The following PRDM9 variants were observed in gnomAD, a reference collection of about 807,000 sequenced individuals.
PRDM9 encodes PR/SET domain 9.
In PRDM9, 47 loss-of-function variants were observed where a neutral mutation model predicts 55.6. The ratio of observed to expected loss-of-function variants is 0.85; its 90% CI spans 0.67 to 1.08. PRDM9 has a LOEUF of 1.08. PRDM9 is among the 50% of genes least tolerant of loss of function. PRDM9 has a pLI of 0.00. For missense variants in PRDM9, 867 were observed against 1,040.3 expected, an observed-to-expected ratio of 0.83 and a Z score of 2.29; for synonymous variants, 312 against 375.7, an observed-to-expected ratio of 0.83 and a Z score of 1.96.
At chr5:23,517,164 A>C (rs951398975) in intron 4 of PRDM9, among the ~76,000 whole-genome samples, 1 of 150,200 alleles carries the variant, frequency 6.7e-6, no homozygotes, top group African/African-American at 2.4e-5. Context: ...AAAAAAAAAA[A>C]AAAAAAAGGT....
chr5:23,511,468 C>T (rs1739096875), intron 4 of PRDM9, among the ~76,000 whole-genome samples: 1 of 152,128 alleles, frequency 6.6e-6, no homozygotes, highest in African/African-American at 2.4e-5. Context: ...GTCTCAGTCT[C>T]CTGAATAGCT....
At position 23,517,908 on chromosome 5, in the gene PRDM9, T is replaced by A; in HGVS notation, c.329T>A (p.Val110Glu). 1 of 1,603,182 alleles carries A rather than the reference T, an allele frequency of 6.2e-7. No individual in the cohort carries two copies. Among genetic ancestry groups the A allele is most frequent in the Non-Finnish European group, 8.5e-7 (1 of 1,170,060 alleles). ...AAACCTCCTTGGATGGCCTTAAGAG[T>A]GGAACAGCGTAAACACCAGAAGGTA... Reference protein sequence around the residue: ...QVKPPWMALRVEQRKHQKGMP... With the variant: ...QVKPPWMALREEQRKHQKGMP... Residue 110 changes from valine to glutamate, a missense_variant, in exon 5 of 11, where the codon GTG becomes GAG. Coordinates refer to ENST00000296682, the MANE Select transcript of PRDM9 (RefSeq NM_020227.4).
intron 5 of PRDM9, among the ~76,000 whole-genome samples, chr5:23,520,762 C>G (rs543271003): frequency 6.6e-6 from 1 of 152,276 alleles, no homozygotes; most frequent in Non-Finnish European, 1.5e-5. Context: ...TCCAGCTAGT[C>G]TTCCCAAGTA....
intron 6 of PRDM9, among the ~76,000 whole-genome samples, chr5:23,521,399 G>T (rs143621375): frequency 3.9e-5 from 6 of 152,120 alleles, no homozygotes; most frequent in Non-Finnish European, 5.9e-5. Flanking sequence ...GTGCAGTGGC[G>T]CAATCTCGGT....
chr5:23,517,393 T>C (rs1739235735), intron 4 of PRDM9, among the ~76,000 whole-genome samples: 1 of 152,132 alleles, frequency 6.6e-6, no homozygotes, highest in African/African-American at 2.4e-5. Context: ...AATAGAAACA[T>C]AGGCCTTAAT....
In PRDM9 at chr5:23,527,704, G is replaced by T; in HGVS notation, c.2616G>T (p.Arg872Ser). 1 of 1,589,344 alleles carries T rather than the reference G, an allele frequency of 6.3e-7. No homozygotes were observed. The highest frequency in any genetic ancestry group is 8.6e-7 in the Non-Finnish European group (1 of 1,167,190). Residue 872 changes from arginine (R) to serine (S), a missense_variant, in exon 11 of 11, where the codon AGG becomes AGT. By Grantham distance (110) the Arg-to-Ser change is moderately radical (BLOSUM62 -1). Coordinates refer to ENST00000296682, the MANE Select transcript of PRDM9 (RefSeq NM_020227.4). ...CRECGRGFSD[R>S]SSLCYHQRTH... ...AGTGTGGGCGGGGCTTTAGCGATAG[G>T]TCAAGCCTCTGCTATCACCAGAGGA... is the stretch of plus-strand genomic sequence containing the variant.
Position 23,521,035 on chromosome 5 carries a change from G to T in PRDM9, c.364G>T (p.Ala122Ser), listed in dbSNP as rs764939554. The T allele has an allele frequency of 1.8e-5, 29 of 1,613,980 alleles. No homozygotes were observed. Among genetic ancestry groups the T allele is most frequent in the Non-Finnish European group, 2.4e-5 (28 of 1,179,982 alleles). The stretch of plus-strand genomic sequence containing the variant: ...TCTCACATTAAAGGGAATGCCCAAG[G>T]CGTCATTCAGTAATGAATCTAGTTT... ...QRKHQKGMPK[A>S]SFSNESSLKE... Residue 122 changes from alanine to serine, a missense_variant, in exon 6 of 11, where the codon GCG becomes TCG. By Grantham distance (99) the Ala-to-Ser change is moderately conservative. Transcript: ENST00000296682.
Position 23,527,729 on chromosome 5 carries a change from A to T in PRDM9, c.2641A>T (p.Thr881Ser), listed in dbSNP as rs376492290. Residue 881 changes from threonine (T) to serine (S), a missense_variant, in exon 11 of 11, where the codon ACA (threonine) becomes TCA (serine). Physicochemically the swap from Thr to Ser is moderately conservative, Grantham distance 58. Transcript: ENST00000296682. ...DRSSLCYHQR[T>S]HTGEKPYVCR... Reference sequence around the variant, plus strand: ...GTCAAGCCTCTGCTATCACCAGAGGACACACACAGGGGAGAAGCCCTACGT... The same window carrying T: ...GTCAAGCCTCTGCTATCACCAGAGGTCACACACAGGGGAGAAGCCCTACGT... 3.1e-6 allele frequency: 5 copies of T among 1,613,484 alleles called. No homozygotes were observed. The highest frequency in any genetic ancestry group is 2.7e-5 in the African/African-American group (2 of 74,884).
intron 6 of PRDM9, 77 bp downstream of exon 6, chr5:23,521,256 G>A: frequency 6.4e-7 from 1 of 1,554,524 alleles, no homozygotes; most frequent in South Asian, 1.1e-5. Flanking sequence ...CTACCTATGT[G>A]GGGTGGACTT....
At chr5:23,509,402 G>A in intron 2 of PRDM9, 68 bp from the exon 3 acceptor site, 2 of 1,612,094 alleles carry the variant, frequency 1.2e-6, no homozygotes, top group South Asian at 1.1e-5. Context: ...CCTACACACA[G>A]GGTAGAGGAA....
chr5:23,510,482 C>T (rs1222959769), intron 4 of PRDM9, among the ~76,000 whole-genome samples: 2 of 151,162 alleles, frequency 1.3e-5, no homozygotes, highest in Non-Finnish European at 2.9e-5. Flanking sequence ...CTCAGCTTCT[C>T]GAGTAGCTGG....
intron 3 of PRDM9, 22 bp from the exon 4 acceptor site, chr5:23,509,898 C>T: frequency 6.2e-7 from 1 of 1,613,706 alleles, no homozygotes; most frequent in Non-Finnish European, 8.5e-7. Context: ...CATTTTAGAA[C>T]AAAATTTTTG....
chr5:23,520,869 C>G (rs1375554456), intron 5 of PRDM9, among the ~76,000 whole-genome samples, 154 bp from the exon 6 acceptor site: 1 of 152,198 alleles, frequency 6.6e-6, no homozygotes, highest in East Asian at 1.9e-4. Context: ...TCACTACTCA[C>G]TTAGACCTTC....
At chr5:23,518,941 T>C (rs546413440) in intron 5 of PRDM9, among the ~76,000 whole-genome samples, 5 of 152,360 alleles carry the variant, frequency 3.3e-5, no homozygotes, top group South Asian at 4.1e-4. Flanking sequence ...TCCAAGTTTA[T>C]GAATTAAACT....
intron 6 of PRDM9, among the ~76,000 whole-genome samples, chr5:23,521,709 G>C (rs115944571): frequency 2.7e-3 from 408 of 152,290 alleles, no homozygotes; most frequent in African/African-American, 7.8e-3. Flanking sequence ...AATCTACATA[G>C]AAGCACTGGG....
At chr5:23,513,842 G>C (rs1294065648) in intron 4 of PRDM9, among the ~76,000 whole-genome samples, 1 of 152,074 alleles carries the variant, frequency 6.6e-6, no homozygotes, top group Non-Finnish European at 1.5e-5. Flanking sequence ...TCACACCACT[G>C]TACTGCAGCC....
rs1739435620 is a variant in PRDM9 at position 23,526,489 on chromosome 5, A to T, written c.1401A>T (p.Thr467=). The change falls in exon 11 of 11, where the codon ACA becomes ACT. Residue 467 remains threonine, a synonymous_variant. Coordinates refer to ENST00000296682, the MANE Select transcript of PRDM9 (RefSeq NM_020227.4). ...KERSKLLNKR[T]WQREISRAFS... is the part of the protein sequence containing the mutation. ...GGTCCAAACTCTTGAATAAAAGGACATGGCAGAGGGAGATTTCAAGGGCCT... is the reference window on the plus strand; with the variant it reads ...GGTCCAAACTCTTGAATAAAAGGACTTGGCAGAGGGAGATTTCAAGGGCCT... 5.6e-6 allele frequency: 9 copies of T among 1,614,094 alleles called. No homozygotes were observed. The African/African-American group carries it at 9.3e-5, about 17-fold the overall frequency.
intron 9 of PRDM9, among the ~76,000 whole-genome samples, chr5:23,523,583 G>C (rs1363247724): frequency 6.6e-6 from 1 of 152,062 alleles, no homozygotes; most frequent in Non-Finnish European, 1.5e-5. Flanking sequence ...AGACAAAATT[G>C]AGGCACCAAG....
chr5:23,525,191 T>A (rs1393747567), intron 10 of PRDM9, among the ~76,000 whole-genome samples: 3 of 152,216 alleles, frequency 2.0e-5, no homozygotes, highest in Admixed American at 2.0e-4. Context: ...TGCAAGTGCC[T>A]GTGGGCCAAG....
Sources: gnomAD v4.1 joint callset for allele counts (sites outside exome capture counted in the v4.1 genomes callset) on GRCh38, gnomAD v4.1.1 for gene constraint, MANE v1.5 for transcripts, NCBI Gene and HGNC (gene_info 2026-07-23, HGNC 2026-07-21) for gene names.